ZFP14: variants seen among roughly 807,000 people sequenced by gnomAD.
ZFP14 encodes ZFP14 zinc finger protein, also known as zinc finger protein 14 homolog.
A neutral mutation model predicts 54.5 loss-of-function variants in ZFP14; 22 were observed. That is an observed-to-expected ratio of 0.40 (90% CI 0.29 to 0.58). The LOEUF is 0.58. Ranked by LOEUF, ZFP14 falls within the 20% of genes least tolerant of loss-of-function variation. The probability of loss-of-function intolerance (pLI) is 0.39; values close to 1 mark genes in which losing one functional copy is unlikely to be tolerated. For synonymous variants in ZFP14, 159 were observed against 204.0 expected, an observed-to-expected ratio of 0.78 and a Z score of 1.88; for missense variants, 470 against 637.8, an observed-to-expected ratio of 0.74 and a Z score of 2.83.
At chr19:36,372,105 A>G (rs1385181669) in intron 1 of ZFP14, among the ~76,000 whole-genome samples, 1 of 151,486 alleles carries the variant, frequency 6.6e-6, no homozygotes, top group Non-Finnish European at 1.5e-5. Context: ...AGGAGGAAGG[A>G]AGGAAGGAAG....
chr19:36,366,614 C>A (rs2031798873), intron 2 of ZFP14, among the ~76,000 whole-genome samples: 1 of 152,028 alleles, frequency 6.6e-6, no homozygotes. Context: ...ACCACACCTG[C>A]CCCACTTGAA....
At position 36,334,872 on chromosome 19, in the gene ZFP14, A is replaced by ATTTT. The variant is rs143290154; in HGVS notation, c.*5348_*5351dup. 1 of 136,222 alleles carries ATTTT rather than the reference A, an allele frequency of 7.3e-6. No individual in the cohort carries two copies. Among genetic ancestry groups the ATTTT allele is most frequent in the African/African-American group, 2.6e-5 (1 of 38,382 alleles). 8.4% of individuals were successfully genotyped at this position (136,222 alleles called of 1,614,324 possible). On this transcript the variant is annotated 3_prime_UTR_variant, in exon 5 of 5. Coordinates refer to ENST00000270001, the MANE Select transcript of ZFP14 (RefSeq NM_020917.3). ...TATACTTTGAATTCCTCAAAAGTAGATTTTTATTTTATTTTATTTGAGACT... is the reference window on the plus strand; with the variant it reads ...TATACTTTGAATTCCTCAAAAGTAGATTTTTTTTTATTTTATTTTATTTGAGACT...
intron 4 of ZFP14, among the ~76,000 whole-genome samples, chr19:36,342,412 C>T (rs2031337550): frequency 6.6e-6 from 1 of 151,938 alleles, no homozygotes; most frequent in Non-Finnish European, 1.5e-5. Flanking sequence ...GTCTCGAACT[C>T]CTGACCTCAG....
At position 36,340,762 on chromosome 19, in the gene ZFP14, A is replaced by G. The variant is rs2031296049; in HGVS notation, c.1064T>C (p.Leu355Pro). The change falls in exon 5 of 5, where the codon CTT (leucine) becomes CCT (proline). Residue 355 changes from leucine to proline, a missense_variant. Transcript: ENST00000270001. This position sits in a 1 kb window ranked among gnomAD's most constrained non-coding sequence, Gnocchi z 5.4. ...AGTATGAATACTCTGATGAACAGTA[A>G]GTTGTTGGCATATTCTAAAAGCCTT... ...CGKAFRICQQ[L>P]TVHQSIHTGE... 1 of 1,613,974 alleles carries G rather than the reference A, an allele frequency of 6.2e-7. No homozygotes were observed. Among genetic ancestry groups the G allele is most frequent in the Non-Finnish European group, 8.5e-7 (1 of 1,179,948 alleles).
intron 4 of ZFP14, among the ~76,000 whole-genome samples, chr19:36,345,124 G>A (rs926140452): frequency 3.3e-5 from 5 of 152,160 alleles, no homozygotes; most frequent in African/African-American, 1.2e-4. Context: ...TTAGCTGAGC[G>A]TTTTGGCAAA....
Position 36,358,080 on chromosome 19 carries a change from CT to C in ZFP14, c.235+2354del, listed in dbSNP as rs1305244537. On this transcript the variant is annotated intron_variant, in intron 4 of 4. Transcript: ENST00000270001. Reference sequence around the variant, plus strand: ...TCTATCTATCTATCTATCTATCTATCTATCTATCTATCATCTATCTATCTAT... The same window carrying C: ...TCTATCTATCTATCTATCTATCTATCATCTATCTATCATCTATCTATCTAT... Among the ~76,000 whole-genome samples the C allele has an allele frequency of 6.7e-4, 98 of 146,748 alleles. 1 individual carries two copies. The East Asian group carries it at 0.018, about 27-fold the overall frequency.
intron 1 of ZFP14, among the ~76,000 whole-genome samples, chr19:36,374,489 C>CAAA (rs398034483): frequency 2.4e-4 from 17 of 70,530 alleles, no homozygotes; most frequent in Non-Finnish European, 4.4e-4. Context: ...GACTCTGTCT[C>CAAA]AAAAAAAAAA....
chr19:36,349,264 AAAAAAAC>A, intron 4 of ZFP14, among the ~76,000 whole-genome samples: 1 of 144,192 alleles, frequency 6.9e-6, no homozygotes, highest in African/African-American at 2.6e-5. Flanking sequence ...AAACAAAAAA[AAAAAAAC>A]AGGAAGAACA....
chr19:36,355,940 G>A (rs1402315339), intron 4 of ZFP14, among the ~76,000 whole-genome samples: 2 of 141,744 alleles, frequency 1.4e-5, no homozygotes, highest in Non-Finnish European at 3.1e-5. Flanking sequence ...TGTAGTCACC[G>A]ATCAAAAAAA....
chr19:36,373,747 C>A (rs2031914866), intron 1 of ZFP14, among the ~76,000 whole-genome samples: 1 of 150,772 alleles, frequency 6.6e-6, no homozygotes, highest in South Asian at 2.1e-4. Flanking sequence ...CTTGTCTCTA[C>A]AAAAAAATTT....
intron 1 of ZFP14, among the ~76,000 whole-genome samples, chr19:36,369,666 C>A (rs532864951): frequency 2.5e-4 from 38 of 152,128 alleles, no homozygotes; most frequent in Non-Finnish European, 4.7e-4. Flanking sequence ...CCGCCTCAGC[C>A]TCCTAAAATG....
chr19:36,340,850 C>T lies in ZFP14; in HGVS notation c.976G>A (p.Asp326Asn). 6.2e-7 allele frequency: 1 copy of T among 1,613,020 alleles called. No homozygotes were observed. Among genetic ancestry groups the T allele is most frequent in the Non-Finnish European group, 8.5e-7 (1 of 1,179,788 alleles). The change falls in exon 5 of 5, where the codon GAC (aspartate) becomes AAC (asparagine). Residue 326 changes from aspartate to asparagine, a missense_variant. By Grantham distance (23) the Asp-to-Asn change is conservative (BLOSUM62 1). Transcript: ENST00000270001. The surrounding 1 kb of genome is among the most constrained non-coding windows in gnomAD (Gnocchi z 5.4). ...TGAATTTTCTGATGTACTCTAAGGTCTGGACCACATACGAAGGCTTTCCCA... is the reference window on the plus strand; with the variant it reads ...TGAATTTTCTGATGTACTCTAAGGTTTGGACCACATACGAAGGCTTTCCCA... ...ECGKAFVCGPDLRVHQKIHFG... is the reference protein window; with the variant it reads ...ECGKAFVCGPNLRVHQKIHFG...
chr19:36,340,483 C>T lies in ZFP14; in HGVS notation c.1343G>A (p.Gly448Asp). ...QLTQHQSIHT[G>D]EKPYECKECR... ...TTCCTTACATTCATAAGGTTTCTCA[C>T]CAGTGTGAATACTTTGATGCTGAGT... is the stretch of plus-strand genomic sequence containing the variant. Residue 448 changes from glycine (G) to aspartate (D), a missense_variant, in exon 5 of 5, where the codon GGT (glycine) becomes GAT (aspartate). Gly to Asp is a moderately conservative substitution (Grantham distance 94). Coordinates refer to ENST00000270001, the MANE Select transcript of ZFP14 (RefSeq NM_020917.3). The surrounding 1 kb of genome is among the most constrained non-coding windows in gnomAD (Gnocchi z 5.4). 2 of 1,613,918 alleles carry T rather than the reference C, an allele frequency of 1.2e-6. No individual in the cohort carries two copies. The highest frequency in any genetic ancestry group is 1.7e-6 in the Non-Finnish European group (2 of 1,179,824).
intron 4 of ZFP14, 82 bp downstream of exon 4, chr19:36,360,353 C>T: frequency 8.0e-7 from 1 of 1,256,308 alleles, no homozygotes; most frequent in Non-Finnish European, 1.1e-6. Context: ...ACCCCAACAT[C>T]TCAAGGGTGT....
intron 4 of ZFP14, among the ~76,000 whole-genome samples, chr19:36,359,771 C>T (rs765353430): frequency 6.6e-6 from 1 of 152,100 alleles, no homozygotes; most frequent in Non-Finnish European, 1.5e-5. Flanking sequence ...TCTTGTGTCT[C>T]AGCCTCCTGA....
In ZFP14 at chr19:36,352,183, CAAAA is replaced by C. The variant is rs541317625; in HGVS notation, c.235+8248_235+8251del. Among the ~76,000 whole-genome samples, 4 of 116,850 alleles carry C rather than the reference CAAAA, an allele frequency of 3.4e-5. 1 individual carries two copies. Among genetic ancestry groups the C allele is most frequent in the Admixed American group, 9.1e-5 (1 of 11,008 alleles). The allele number at this position is 116,850 out of a possible 152,430, so 76.7% of individuals were successfully genotyped here. On this transcript the variant is annotated intron_variant, in intron 4 of 4. Coordinates refer to ENST00000270001, the MANE Select transcript of ZFP14 (RefSeq NM_020917.3). ...TGGGCAACGGAGCCAGACTCTGTCT[CAAAA>C]AAAAAAAAATTCTATTAAGATCCCT...
intron 1 of ZFP14, among the ~76,000 whole-genome samples, chr19:36,374,404 C>T (rs961327706): frequency 2.0e-5 from 3 of 150,528 alleles, no homozygotes; most frequent in African/African-American, 7.3e-5. Flanking sequence ...GCAGAAGAAT[C>T]GCTTGAACCC....
chr19:36,341,189 C>A lies in ZFP14; in HGVS notation c.637G>T (p.Ala213Ser), dbSNP rs1212802443. 6.2e-7 allele frequency: 1 copy of A among 1,614,024 alleles called. No homozygotes were observed. The highest frequency in any genetic ancestry group is 8.5e-7 in the Non-Finnish European group (1 of 1,180,002). ...AGTTTGTGATGTCGAATAAGATGTGCACGCTGTCTAAAGGCCTGCCCACAT... is the reference window on the plus strand; with the variant it reads ...AGTTTGTGATGTCGAATAAGATGTGAACGCTGTCTAAAGGCCTGCCCACAT... Reference protein sequence around the residue: ...KECGQAFRQRAHLIRHHKLHT... With the variant: ...KECGQAFRQRSHLIRHHKLHT... Residue 213 changes from alanine (A) to serine (S), a missense_variant, in exon 5 of 5, where the codon GCA (alanine) becomes TCA (serine). Ala to Ser is a moderately conservative substitution (Grantham distance 99). Transcript: ENST00000270001. The surrounding 1 kb of genome is among the most constrained non-coding windows in gnomAD (Gnocchi z 4.2).
At chr19:36,375,456 C>T (rs955397086) in intron 1 of ZFP14, among the ~76,000 whole-genome samples, 4 of 150,766 alleles carry the variant, frequency 2.7e-5, no homozygotes, top group African/African-American at 7.3e-5. Context: ...AGCACGATCT[C>T]GGCTCACCAC....
Sources: allele counts gnomAD v4.1 joint callset (sites outside exome capture counted in the v4.1 genomes callset), GRCh38; gene constraint gnomAD v4.1.1; non-coding constraint Gnocchi (gnomAD v3.1); transcripts MANE v1.5; gene names NCBI Gene and HGNC (gene_info 2026-07-23, HGNC 2026-07-21).